Variants in PLPP1 observed in about 807,000 individuals in gnomAD.
PLPP1 encodes phospholipid phosphatase 1, also known as lipid phosphate phosphohydrolase 1a.
A neutral mutation model predicts 31.2 loss-of-function variants in PLPP1; 24 were observed. That is an observed-to-expected ratio of 0.77 (90% CI 0.56 to 1.08). PLPP1 has a LOEUF of 1.08. PLPP1 is among the 50% of genes least tolerant of loss of function. The pLI, the probability that PLPP1 is intolerant of heterozygous loss-of-function variation, is 0.00. For missense variants in PLPP1, 319 were observed against 342.7 expected (o/e 0.93, Z 0.55); for synonymous variants, 146 against 126.3 (o/e 1.16, Z -1.05).
intron 1 of PLPP1, chr5:55,491,038 G>C (rs1752877490): frequency 6.2e-7 from 1 of 1,613,384 alleles, no homozygotes; most frequent in Non-Finnish European, 8.5e-7. Context: ...GATAGTTGAT[G>C]CTGTTGTCTT....
At chr5:55,508,758 G>A in intron 1 of PLPP1, 1 of 154,192 alleles carries the variant, frequency 6.5e-6, no homozygotes, top group East Asian at 1.9e-4. Flanking sequence ...AAGGGACTAA[G>A]ACAATGAAGA....
intron 3 of PLPP1, among the ~76,000 whole-genome samples, chr5:55,461,468 A>C (rs541329287): frequency 8.3e-4 from 127 of 152,286 alleles, no homozygotes; most frequent in South Asian, 2.5e-3. Context: ...GATATTCAAA[A>C]AACTAACATA....
At chr5:55,477,989 AAAAG>A (rs572683490) in intron 1 of PLPP1, among the ~76,000 whole-genome samples, 43 of 151,804 alleles carry the variant, frequency 2.8e-4, no homozygotes, top group East Asian at 2.7e-3. Context: ...TAAAAAAAAA[AAAAG>A]AAAGAAAGAA....
chr5:55,458,329 C>T (rs1435282485), intron 3 of PLPP1, among the ~76,000 whole-genome samples: 5 of 151,906 alleles, frequency 3.3e-5, no homozygotes, highest in African/African-American at 1.2e-4. Flanking sequence ...TCTATGATCA[C>T]TGAAAATAAA....
At chr5:55,451,585 A>C (rs1751893784) in intron 3 of PLPP1, among the ~76,000 whole-genome samples, 1 of 150,726 alleles carries the variant, frequency 6.6e-6, no homozygotes, top group African/African-American at 2.4e-5. Context: ...TTTTTGAGAC[A>C]GAGTCTCACT....
intron 2 of PLPP1, among the ~76,000 whole-genome samples, chr5:55,474,829 C>A (rs116407485): frequency 0.016 from 2,497 of 152,152 alleles, 87 homozygotes; most frequent in African/African-American, 0.057. Context: ...CTATTGATCA[C>A]AAGATTATTA....
Position 55,425,988 on chromosome 5 carries a change from T to A in PLPP1, c.601A>T (p.Thr201Ser). 6.2e-7 allele frequency: 1 copy of A among 1,613,810 alleles called. No individual in the cohort carries two copies. Among genetic ancestry groups the A allele is most frequent in the Non-Finnish European group, 8.5e-7 (1 of 1,179,904 alleles). ...KGDWARLLRP[T>S]LQFGLVAVSI... is the part of the protein sequence containing the mutation. ...ACGGCAACAAGACCAAATTGCAGTG[T>A]GGGGCGTAAGAGTCTTGCCCAGTCT... The change falls in exon 5 of 6, where the codon ACA becomes TCA. Residue 201 changes from threonine to serine, a missense_variant. Transcript: ENST00000307259.
At chr5:55,460,703 G>C (rs571292648) in intron 3 of PLPP1, among the ~76,000 whole-genome samples, 2 of 150,774 alleles carry the variant, frequency 1.3e-5, no homozygotes, top group Non-Finnish European at 1.5e-5. Flanking sequence ...AAGATTATTC[G>C]AGCCTGAAGG....
At chr5:55,463,088 G>C (rs1296569691) in intron 3 of PLPP1, among the ~76,000 whole-genome samples, 1 of 152,186 alleles carries the variant, frequency 6.6e-6, no homozygotes, top group African/African-American at 2.4e-5. Context: ...CACAGGAACA[G>C]AAAACCAAAC....
intron 1 of PLPP1, among the ~76,000 whole-genome samples, chr5:55,490,655 G>C (rs1388924674): frequency 6.6e-6 from 1 of 151,966 alleles, no homozygotes; most frequent in African/African-American, 2.4e-5. Flanking sequence ...ACAAGTGTCT[G>C]GACCTAAGTT....
Position 55,425,123 on chromosome 5 carries a change from G to C in PLPP1, c.*83C>G, listed in dbSNP as rs1160877962. On this transcript the variant is annotated 3_prime_UTR_variant, in exon 6 of 6. Transcript: ENST00000307259. The stretch of plus-strand genomic sequence containing the variant: ...AAGTCTTTAAAGGCTTGTACACCAG[G>C]AAGAAAGATGCATCCTCTTGCCTTG... The C allele has an allele frequency of 6.7e-7, 1 of 1,497,586 alleles. No individual in the cohort carries two copies. Among genetic ancestry groups the C allele is most frequent in the Non-Finnish European group, 9.0e-7 (1 of 1,109,992 alleles). 92.8% of individuals were successfully genotyped at this position (1,497,586 alleles called of 1,614,324 possible). A position where few individuals can be genotyped will look rare whatever the true frequency, so the allele number is the denominator to read the frequency against.
In PLPP1 at chr5:55,462,616, A is replaced by G. The variant is rs530072991; in HGVS notation, c.491+5253T>C. 3.3e-5 allele frequency among the ~76,000 whole-genome samples: 5 copies of G among 152,326 alleles called. No homozygotes were observed. In the South Asian group the frequency reaches 6.2e-4, roughly 19 times the overall value. The stretch of plus-strand genomic sequence containing the variant: ...ACAGAAAGCAAAAACCATAAAAGAA[A>G]AAAATGATAAATTAGATTCTATCAA... On this transcript the variant is annotated intron_variant, in intron 3 of 5. Transcript: ENST00000307259.
chr5:55,534,469 C>T, intron 1 of PLPP1, 103 bp downstream of exon 1: 2 of 1,215,144 alleles, frequency 1.6e-6, no homozygotes, highest in Non-Finnish European at 2.2e-6. Context: ...CCCACAGCTG[C>T]GCACGCGTCA....
chr5:55,458,915 A>AAAAAC (rs1561231077), intron 3 of PLPP1, among the ~76,000 whole-genome samples: 4 of 148,952 alleles, frequency 2.7e-5, no homozygotes, highest in East Asian at 1.9e-4. Flanking sequence ...AAAAAAAAAA[A>AAAAAC]ACACATAGCA....
At chr5:55,508,601 T>C (rs953077767) in intron 1 of PLPP1, among the ~76,000 whole-genome samples, 1 of 152,316 alleles carries the variant, frequency 6.6e-6, no homozygotes, top group Admixed American at 6.5e-5. Context: ...ATTAAAATCA[T>C]ACATATAATA....
intron 1 of PLPP1, among the ~76,000 whole-genome samples, chr5:55,479,895 G>A (rs1161043610): frequency 6.6e-6 from 1 of 152,082 alleles, no homozygotes; most frequent in African/African-American, 2.4e-5. Context: ...GAACATTTCT[G>A]AATACAAATT....
rs76296751 is a variant in PLPP1, at chr5:55,499,521, T to C, written c.59-24071A>G. Among the ~76,000 whole-genome samples, 573 of 152,192 alleles carry C rather than the reference T, an allele frequency of 3.8e-3. 3 individuals carry two copies. The highest frequency in any genetic ancestry group is 0.013 in the African/African-American group (544 of 41,532). ...ACCTCACAAGACTCTTAAACAGCAATCCTGCTAGTCTCAGAGCAATTTATA... is the reference window on the plus strand; with the variant it reads ...ACCTCACAAGACTCTTAAACAGCAACCCTGCTAGTCTCAGAGCAATTTATA... On this transcript the variant is annotated intron_variant, in intron 1 of 5. Coordinates refer to ENST00000307259, the MANE Select transcript of PLPP1 (RefSeq NM_003711.4).
intron 1 of PLPP1, among the ~76,000 whole-genome samples, chr5:55,477,922 G>A (rs569397776): frequency 8.6e-5 from 13 of 151,798 alleles, no homozygotes; most frequent in African/African-American, 2.7e-4. Context: ...AGAGGTTGCA[G>A]TGAGCCGAGA....
At chr5:55,499,681 C>CA (rs921560837) in intron 1 of PLPP1, among the ~76,000 whole-genome samples, 9 of 132,194 alleles carry the variant, frequency 6.8e-5, no homozygotes, top group East Asian at 6.4e-4. Context: ...TTTCACTACT[C>CA]AAAAAAAAAA....
Sources: gnomAD v4.1 joint callset for allele counts (sites outside exome capture counted in the v4.1 genomes callset) on GRCh38, gnomAD v4.1.1 for gene constraint, MANE v1.5 for transcripts, NCBI Gene and HGNC (gene_info 2026-07-23, HGNC 2026-07-21) for gene names.